Variants in DHRSX observed in about 807,000 individuals in gnomAD.
DHRSX encodes the protein polyprenol dehydrogenase.
In DHRSX, 31 loss-of-function variants were observed where a neutral mutation model predicts 34.0. The ratio of observed to expected loss-of-function variants is 0.91; its 90% CI spans 0.69 to 1.23. The LOEUF is 1.23. Among genes scored for constraint, DHRSX ranks in the 50% most tolerant of loss-of-function variants. The pLI is 0.00. For synonymous variants in DHRSX, 201 were observed against 183.8 expected, an observed-to-expected ratio of 1.09 and a Z score of -0.76; for missense variants, 414 against 428.1, an observed-to-expected ratio of 0.97 and a Z score of 0.29.
At chrX:2,266,278 G>A (rs2041468493) in intron 5 of DHRSX, among the ~76,000 whole-genome samples, 1 of 138,300 alleles carries the variant, frequency 7.2e-6, no homozygotes, top group Non-Finnish European at 1.5e-5. Context: ...GAGCACCGGT[G>A]TACAGCAGAC....
intron 1 of DHRSX, among the ~76,000 whole-genome samples, chrX:2,453,481 G>A (rs915906744): frequency 1.3e-5 from 2 of 151,702 alleles, no homozygotes; most frequent in African/African-American, 2.4e-5. Context: ...AGACCAGCCT[G>A]AGCAACATAG....
intron 5 of DHRSX, chrX:2,261,869 G>A (rs759574484): frequency 6.6e-6 from 1 of 152,304 alleles, no homozygotes; most frequent in East Asian, 1.9e-4. Flanking sequence ...CTCCACCAGT[G>A]CTGTACGAGG....
At chrX:2,335,010 T>C (rs747080352) in intron 3 of DHRSX, 1 of 151,890 alleles carries the variant, frequency 6.6e-6, no homozygotes, top group East Asian at 1.9e-4. Context: ...TGAAACTCCG[T>C]CTCTACTAAA....
At chrX:2,381,797 CA>C (rs767319246) in intron 3 of DHRSX, among the ~76,000 whole-genome samples, 5,266 of 81,466 alleles carry the variant, frequency 0.065, 47 homozygotes, top group Non-Finnish European at 0.078. Flanking sequence ...AAGCCACAAC[CA>C]AAAAAAAAAA....
At chrX:2,362,134 G>A (rs1189709681) in intron 3 of DHRSX, among the ~76,000 whole-genome samples, 4 of 152,178 alleles carry the variant, frequency 2.6e-5, no homozygotes, top group South Asian at 2.1e-4. Flanking sequence ...CCTAGAGAGA[G>A]TGGGGTGCTG....
chrX:2,332,234 G>C (rs1479342616), intron 3 of DHRSX, among the ~76,000 whole-genome samples: 1 of 152,158 alleles, frequency 6.6e-6, no homozygotes. Context: ...TTGCTGAAAG[G>C]TCGGGGAGAA....
At chrX:2,324,352 T>TC (rs1438684431) in intron 3 of DHRSX, among the ~76,000 whole-genome samples, 1 of 152,140 alleles carries the variant, frequency 6.6e-6, no homozygotes, top group Non-Finnish European at 1.5e-5. Flanking sequence ...CTCACTCCTC[T>TC]CTCTCAGCCT....
chrX:2,460,590 T>TC (rs2044389636), intron 1 of DHRSX, among the ~76,000 whole-genome samples: 1 of 149,384 alleles, frequency 6.7e-6, no homozygotes, highest in Admixed American at 6.7e-5. Context: ...GGCTTTTTTT[T>TC]TTTTTTTTAG....
rs2045011065 is a variant in DHRSX at position 2,488,494 on chromosome X, T to G, written c.109+12323A>C. 2.6e-6 allele frequency: 3 copies of G among 1,166,942 alleles called. No individual in the cohort carries two copies. In the East Asian group the frequency reaches 8.0e-5, roughly 31 times the overall value. 72.3% of individuals were successfully genotyped at this position (1,166,942 alleles called of 1,614,324 possible). ...CCGACCCTCTCTCACTTCTCAAATC[T>G]CTTTCCTTTTTCCACCTTCTAGGTG... On this transcript the variant is annotated intron_variant, in intron 1 of 6. Coordinates refer to ENST00000334651, the MANE Select transcript of DHRSX (RefSeq NM_145177.3).
chrX:2,495,307 A>T (rs1332297022), intron 1 of DHRSX, among the ~76,000 whole-genome samples: 1 of 151,662 alleles, frequency 6.6e-6, no homozygotes, highest in Non-Finnish European at 1.5e-5. Flanking sequence ...TGTTATTATT[A>T]TTGGGCTGAA....
chrX:2,311,061 CA>C (rs33965542), intron 3 of DHRSX, among the ~76,000 whole-genome samples: 69,922 of 130,670 alleles, frequency 0.54, 17,779 homozygotes, highest in African/African-American at 0.6. Flanking sequence ...CACTCTGTGT[CA>C]AAAAAAAAAA....
chrX:2,386,421 G>A (rs375998735), intron 3 of DHRSX, among the ~76,000 whole-genome samples: 193 of 152,132 alleles, frequency 1.3e-3, no homozygotes, highest in African/African-American at 4.6e-3. Context: ...GTTTTACCAT[G>A]TTGGCCAGGC....
chrX:2,374,480 T>C (rs1392664966), intron 3 of DHRSX, among the ~76,000 whole-genome samples: 1 of 150,296 alleles, frequency 6.7e-6, no homozygotes, highest in Non-Finnish European at 1.5e-5. Flanking sequence ...GACTCACGCC[T>C]GTAATCCCAG....
At chrX:2,420,292 C>T (rs2043761369) in intron 2 of DHRSX, among the ~76,000 whole-genome samples, 1 of 151,976 alleles carries the variant, frequency 6.6e-6, no homozygotes, top group Admixed American at 6.6e-5. Flanking sequence ...CCTGTAATCC[C>T]AGCTACTTGG....
intron 4 of DHRSX, among the ~76,000 whole-genome samples, chrX:2,282,703 A>AGAGG (rs1304593243): frequency 7.8e-6 from 1 of 128,812 alleles, no homozygotes; most frequent in East Asian, 2.9e-4. Context: ...AAAGAGGGAG[A>AGAGG]GAGGGAAGGA....
At chrX:2,446,318 A>C (rs1436899568) in intron 1 of DHRSX, among the ~76,000 whole-genome samples, 12 of 151,678 alleles carry the variant, frequency 7.9e-5, no homozygotes, top group Non-Finnish European at 1.8e-4. Flanking sequence ...GTAGGCACTG[A>C]AGACATTCCC....
chrX:2,282,694 AAGAGGGAG>A (rs1288102656), intron 4 of DHRSX, among the ~76,000 whole-genome samples: 1 of 126,892 alleles, frequency 7.9e-6, no homozygotes, highest in East Asian at 2.8e-4. Context: ...AGAGGGGAGA[AAGAGGGAG>A]AGAGGGAAGG....
chrX:2,240,494 A>T (rs2016115403), intron 6 of DHRSX, among the ~76,000 whole-genome samples: 1 of 151,752 alleles, frequency 6.6e-6, no homozygotes, highest in South Asian at 2.1e-4. Context: ...TCCAACAGGG[A>T]GAAAAGAGAA....
intron 3 of DHRSX, among the ~76,000 whole-genome samples, chrX:2,397,767 G>T (rs959579927): frequency 2.0e-5 from 3 of 152,054 alleles, no homozygotes; most frequent in African/African-American, 4.8e-5. Flanking sequence ...TCCTCGTTAC[G>T]GGCGGGATGG....
Sources: gnomAD v4.1 joint callset for allele counts (sites outside exome capture counted in the v4.1 genomes callset) on GRCh38, gnomAD v4.1.1 for gene constraint, MANE v1.5 for transcripts, NCBI Gene and HGNC (gene_info 2026-07-23, HGNC 2026-07-21) for gene names.